The following USP13 variants were observed in gnomAD, a reference collection of about 807,000 sequenced individuals.
USP13 encodes ubiquitin specific peptidase 13.
USP13 carries 68 observed loss-of-function variants against 107.8 expected under a neutral mutation model. The ratio of observed to expected loss-of-function variants is 0.63; its 90% confidence interval spans 0.52 to 0.77. USP13 has a LOEUF of 0.77. Ranked by LOEUF, USP13 falls within the 30% of genes least tolerant of loss-of-function variation. USP13 has a pLI of 0.00. For missense variants in USP13, 945 were observed against 1,093.3 expected (o/e 0.86, Z 1.91); for synonymous variants, 377 against 389.5 (o/e 0.97, Z 0.38).
At chr3:179,719,556 G>A (rs1713232916) in intron 6 of USP13, among the ~76,000 whole-genome samples, 1 of 152,170 alleles carries the variant, frequency 6.6e-6, no homozygotes, top group Admixed American at 6.5e-5. Context: ...GCGGATGGCC[G>A]TCATCCCCTC....
rs1478594792 is a variant in USP13, at chr3:179,655,559, T to G, written c.168+2166T>G. On this transcript the variant is annotated intron_variant, in intron 1 of 20. Coordinates refer to ENST00000263966, the MANE Select transcript of USP13 (RefSeq NM_003940.3). The stretch of plus-strand genomic sequence containing the variant: ...GTGATAATGGGAAGGTTTTTTTTGT[T>G]TTGTTTTGTTTTTTTTTTGAGTTTT... Among the ~76,000 whole-genome samples, 2 of 132,934 alleles carry G rather than the reference T, an allele frequency of 1.5e-5. 1 individual carries two copies. The highest frequency in any genetic ancestry group is 4.3e-4 in the East Asian group (2 of 4,658). The allele number at this position is 132,934 out of a possible 152,430, so 87.2% of individuals were successfully genotyped here.
Position 179,763,985 on chromosome 3 carries a change from G to A in USP13, c.2093-17G>A. 1 of 1,586,468 alleles carries A rather than the reference G, an allele frequency of 6.3e-7. No individual in the cohort carries two copies. Among genetic ancestry groups the A allele is most frequent in the Non-Finnish European group, 8.5e-7 (1 of 1,171,418 alleles). ...AAAAAAAAAAGGAAAAGACTTGGGT[G>A]TGGTTATTTTTCTCAGATTTTGCTG... On this transcript the variant is annotated splice_polypyrimidine_tract_variant and intron_variant, in intron 17 of 20. Transcript: ENST00000263966.
rs1257760763 is a variant in USP13, at chr3:179,701,114, G to C, written c.462G>C (p.Glu154Asp). 1.3e-6 allele frequency: 2 copies of C among 1,598,942 alleles called. No homozygotes were observed. Among genetic ancestry groups the C allele is most frequent in the Non-Finnish European group, 1.7e-6 (2 of 1,170,276 alleles). Residue 154 changes from glutamate to aspartate, a missense_variant, in exon 4 of 21, where the codon GAG becomes GAC. By Grantham distance (45) the Glu-to-Asp change is conservative (BLOSUM62 2). Coordinates refer to ENST00000263966, the MANE Select transcript of USP13 (RefSeq NM_003940.3). Reference protein sequence around the residue: ...DHYEIALPNIEELPALVTIAC... With the variant: ...DHYEIALPNIDELPALVTIAC... ...ATGAAATAGCACTACCAAATATTGA[G>C]GAGTTACCAGCCCTGGTCAGTGAGT...
chr3:179,755,150 A>G (rs1469138352), intron 15 of USP13, among the ~76,000 whole-genome samples: 2 of 152,172 alleles, frequency 1.3e-5, no homozygotes, highest in Non-Finnish European at 2.9e-5. Flanking sequence ...TGGACAACCT[A>G]AAGGGGAAAT....
In USP13 at chr3:179,721,606, C is replaced by T; in HGVS notation, c.1088+17C>T. 1.2e-6 allele frequency: 2 copies of T among 1,610,606 alleles called. No homozygotes were observed. Among genetic ancestry groups the T allele is most frequent in the Non-Finnish European group, 8.5e-7 (1 of 1,178,876 alleles). ...CCAGAGAGCGTAAGTGCCTTCCATG[C>T]AGACCAGGGCACGCGGCACCTCCCT... On this transcript the variant is annotated intron_variant, in intron 8 of 20. Coordinates refer to ENST00000263966, the MANE Select transcript of USP13 (RefSeq NM_003940.3). This position sits in a 1 kb window ranked among gnomAD's most constrained non-coding sequence, Gnocchi z 4.3.
chr3:179,756,250 T>C (rs569207512), intron 15 of USP13, among the ~76,000 whole-genome samples: 42 of 152,060 alleles, frequency 2.8e-4, no homozygotes, highest in East Asian at 1.9e-3. Flanking sequence ...TGGTGAAACC[T>C]CACCTCTACT....
chr3:179,776,934 C>G (rs1715563260), intron 19 of USP13, among the ~76,000 whole-genome samples: 1 of 133,380 alleles, frequency 7.5e-6, no homozygotes, highest in Non-Finnish European at 1.5e-5. Flanking sequence ...GCTTCTCTCT[C>G]TGGTGAATTC....
intron 15 of USP13, among the ~76,000 whole-genome samples, chr3:179,755,734 T>G (rs535370543): frequency 2.0e-5 from 3 of 152,362 alleles, no homozygotes; most frequent in African/African-American, 7.2e-5. Context: ...CTGGCTTTGT[T>G]TGCTCACCTG....
At chr3:179,687,045 G>A (rs1027702522) in intron 2 of USP13, among the ~76,000 whole-genome samples, 2 of 152,228 alleles carry the variant, frequency 1.3e-5, no homozygotes, top group African/African-American at 4.8e-5. Context: ...CCATATTTTT[G>A]TTTAACCACT....
chr3:179,728,044 C>T (rs1464490691), intron 8 of USP13, among the ~76,000 whole-genome samples: 1 of 67,846 alleles, frequency 1.5e-5, no homozygotes, highest in African/African-American at 4.2e-5. Flanking sequence ...CACCTCCCTC[C>T]CGGACGGGGC....
intron 19 of USP13, 80 bp downstream of exon 19, chr3:179,765,928 G>A (rs1715160457): frequency 6.9e-7 from 1 of 1,447,838 alleles, no homozygotes. Flanking sequence ...CCACAACATA[G>A]TCAAGCCTTT....
intron 16 of USP13, among the ~76,000 whole-genome samples, chr3:179,759,005 G>T: frequency 6.6e-6 from 1 of 150,848 alleles, no homozygotes. Flanking sequence ...TTTTTGAGAC[G>T]GAGTGTCACT....
intron 8 of USP13, among the ~76,000 whole-genome samples, chr3:179,727,912 G>A (rs1713601264): frequency 1.5e-5 from 1 of 66,734 alleles, no homozygotes; most frequent in African/African-American, 3.9e-5. Flanking sequence ...GGGGCGGCTG[G>A]CCAGGTGGGG....
chr3:179,731,345 A>G (rs1713798056), intron 10 of USP13, among the ~76,000 whole-genome samples: 2 of 152,236 alleles, frequency 1.3e-5, no homozygotes, highest in Non-Finnish European at 2.9e-5. Context: ...AGGAGGTTGC[A>G]GTGAGCTGAA....
At chr3:179,746,593 C>G (rs903730188) in intron 13 of USP13, among the ~76,000 whole-genome samples, 4 of 152,124 alleles carry the variant, frequency 2.6e-5, no homozygotes, top group African/African-American at 7.2e-5. Flanking sequence ...CCACCATGCC[C>G]GGCTAGTTTT....
chr3:179,694,799 CAAAAAAAAA>C, intron 3 of USP13, among the ~76,000 whole-genome samples: 1 of 82,188 alleles, frequency 1.2e-5, no homozygotes, highest in Non-Finnish European at 2.5e-5. Context: ...AACTCCATCT[CAAAAAAAAA>C]AAAAAAAAAA....
At chr3:179,755,420 G>A (rs904853164) in intron 15 of USP13, among the ~76,000 whole-genome samples, 1 of 151,786 alleles carries the variant, frequency 6.6e-6, no homozygotes, top group African/African-American at 2.4e-5. Context: ...TCAGCCTCAC[G>A]AGTAGCTGGG....
At chr3:179,778,177 AAAT>A (rs1406282876) in intron 19 of USP13, among the ~76,000 whole-genome samples, 1 of 152,158 alleles carries the variant, frequency 6.6e-6, no homozygotes, top group African/African-American at 2.4e-5. Context: ...ATTTCTGATT[AAAT>A]AATTATTTCA....
At chr3:179,711,515 A>AT (rs897731537) in intron 6 of USP13, among the ~76,000 whole-genome samples, 46 of 151,890 alleles carry the variant, frequency 3.0e-4, no homozygotes, top group Admixed American at 1.1e-3. Flanking sequence ...GCCCAGCCAA[A>AT]TTTTTTTTTA....
Sources: allele counts gnomAD v4.1 joint callset (sites outside exome capture counted in the v4.1 genomes callset), GRCh38; gene constraint gnomAD v4.1.1; non-coding constraint Gnocchi (gnomAD v3.1); transcripts MANE v1.5; gene names NCBI Gene and HGNC (gene_info 2026-07-23, HGNC 2026-07-21).